CEP112: variants seen among roughly 807,000 people sequenced by gnomAD.
CEP112 encodes the protein centrosomal protein 112, also known as centrosomal protein of 112 kDa.
Under a neutral mutation model 153.0 loss-of-function variants are expected in CEP112, and 127 were observed. That is an observed-to-expected ratio of 0.83 (90% CI 0.72 to 0.96). The LOEUF is 0.96. Among genes scored for constraint, CEP112 ranks in the 40% least tolerant of loss-of-function variants. CEP112 has a pLI of 0.00. For synonymous variants in CEP112, 358 were observed against 374.4 expected (o/e 0.96, Z 0.51); for missense variants, 1,089 against 1,101.2 (o/e 0.99, Z 0.16).
intron 21 of CEP112, among the ~76,000 whole-genome samples, chr17:65,778,574 G>A (rs758874253): frequency 1.5e-4 from 23 of 152,012 alleles, no homozygotes; most frequent in Non-Finnish European, 2.6e-4. Context: ...GTAGTTGCTT[G>A]AAAAATACTG....
intron 17 of CEP112, among the ~76,000 whole-genome samples, chr17:65,972,248 G>A (rs1338307445): frequency 2.0e-5 from 3 of 152,082 alleles, no homozygotes; most frequent in Admixed American, 2.0e-4. Context: ...AAAGATATCT[G>A]GGAAATCCCC....
rs375688211 is a variant in CEP112 at position 66,006,550 on chromosome 17, G to A, written c.1657-781C>T. Among the ~76,000 whole-genome samples the A allele has an allele frequency of 1.1e-4, 16 of 151,792 alleles. No homozygotes were observed. The East Asian group carries it at 3.1e-3, about 29-fold the overall frequency. On this transcript the variant is annotated intron_variant, in intron 16 of 26. Coordinates refer to ENST00000535342, the MANE Select transcript of CEP112 (RefSeq NM_001199165.4). Reference sequence around the variant, plus strand: ...GAACCCAGGAGGTGGAGGTTGCAGTGAGCCAAGATCGCACCCCTGCACTCC... The same window carrying A: ...GAACCCAGGAGGTGGAGGTTGCAGTAAGCCAAGATCGCACCCCTGCACTCC...
intron 24 of CEP112, among the ~76,000 whole-genome samples, chr17:65,647,468 C>G (rs1192793586): frequency 7.3e-6 from 1 of 136,064 alleles, no homozygotes; most frequent in Non-Finnish European, 1.5e-5. Context: ...CCACTGTGCC[C>G]GGCCTTTTTT....
At chr17:66,184,161 G>A (rs2072833247) in intron 1 of CEP112, among the ~76,000 whole-genome samples, 1 of 152,174 alleles carries the variant, frequency 6.6e-6, no homozygotes, top group African/African-American at 2.4e-5. Context: ...GGATGCTGAG[G>A]TGGGAGAATT....
chr17:66,042,939 A>C (rs542696386), intron 12 of CEP112, among the ~76,000 whole-genome samples: 2 of 152,174 alleles, frequency 1.3e-5, no homozygotes, highest in Non-Finnish European at 2.9e-5. Flanking sequence ...TGAGCTTGGG[A>C]GAAGAAATGG....
chr17:65,711,956 A>G (rs1052475704), intron 23 of CEP112, among the ~76,000 whole-genome samples: 1 of 152,206 alleles, frequency 6.6e-6, no homozygotes, highest in Non-Finnish European at 1.5e-5. Context: ...GGCAAAGTAC[A>G]AGGGTAGAAA....
chr17:65,750,887 T>C (rs2051800163), intron 21 of CEP112, 163 bp from the exon 22 acceptor site: 1 of 506,888 alleles, frequency 2.0e-6, no homozygotes, highest in Non-Finnish European at 3.5e-6. Context: ...CAACTATTCA[T>C]CACTTAAAAA....
intron 24 of CEP112, among the ~76,000 whole-genome samples, chr17:65,682,720 C>G (rs1213160902): frequency 1.3e-5 from 2 of 151,994 alleles, no homozygotes; most frequent in Non-Finnish European, 2.9e-5. Context: ...GATATCACAC[C>G]TTCTGGCCAA....
chr17:66,179,455 A>C (rs1424890275), intron 2 of CEP112, among the ~76,000 whole-genome samples: 4 of 152,060 alleles, frequency 2.6e-5, no homozygotes, highest in African/African-American at 9.7e-5. Context: ...TAGCAATTGG[A>C]AATGAGATTA....
rs200079739 is a variant in CEP112, at chr17:65,902,252, C to T, written c.2063G>A (p.Arg688Gln). Residue 688 changes from arginine to glutamine, a missense_variant, in exon 20 of 27, where the codon CGA becomes CAA. Physicochemically the swap from Arg to Gln is conservative, Grantham distance 43. Transcript: ENST00000535342. ...QHNAEKDSLV[R>Q]DHEREIENLE... ...GTTTTCAATTTCCCGTTCATGGTCTCGGACTAGGCTATCCTTCTCTGCGTT... is the reference window on the plus strand; with the variant it reads ...GTTTTCAATTTCCCGTTCATGGTCTTGGACTAGGCTATCCTTCTCTGCGTT... 49 of 1,613,952 alleles carry T rather than the reference C, an allele frequency of 3.0e-5. No individual in the cohort carries two copies. Among genetic ancestry groups the T allele is most frequent in the East Asian group, 2.2e-5 (1 of 44,860 alleles).
intron 16 of CEP112, among the ~76,000 whole-genome samples, chr17:66,006,861 A>G (rs1207643193): frequency 1.3e-5 from 2 of 152,204 alleles, no homozygotes; most frequent in Non-Finnish European, 2.9e-5. Flanking sequence ...TAAGCAAGGT[A>G]AGGCTGAAAG....
At chr17:66,073,392 T>C (rs1183117510) in intron 8 of CEP112, among the ~76,000 whole-genome samples, 3 of 152,164 alleles carry the variant, frequency 2.0e-5, no homozygotes, top group African/African-American at 7.2e-5. Flanking sequence ...GAATCTTAAA[T>C]GCAGGGTACT....
chr17:66,168,400 T>C (rs2072074649), intron 4 of CEP112, among the ~76,000 whole-genome samples: 1 of 137,724 alleles, frequency 7.3e-6, no homozygotes, highest in Non-Finnish European at 1.7e-5. Flanking sequence ...TGTGTATATA[T>C]ATGTGTATAT....
intron 16 of CEP112, among the ~76,000 whole-genome samples, chr17:66,024,571 T>A (rs1017737856): frequency 2.6e-5 from 4 of 151,254 alleles, no homozygotes; most frequent in South Asian, 2.1e-4. Flanking sequence ...ACAATAGTTA[T>A]AAAAAAAACC....
At position 66,046,868 on chromosome 17, in the gene CEP112, G is replaced by A. The variant is rs1037299455; in HGVS notation, c.1218+6868C>T. Among the ~76,000 whole-genome samples, 9 of 152,066 alleles carry A rather than the reference G, an allele frequency of 5.9e-5. 1 individual carries two copies. The East Asian group carries it at 9.7e-4, about 16-fold the overall frequency. ...AGCCAGAAAATGGCGAGGACCACCC[G>A]CAGCCACCAGAAGCTCCACAGAGAC... On this transcript the variant is annotated intron_variant, in intron 12 of 26. Coordinates refer to ENST00000535342, the MANE Select transcript of CEP112 (RefSeq NM_001199165.4).
At chr17:65,740,046 A>G (rs1008255775) in intron 23 of CEP112, among the ~76,000 whole-genome samples, 11 of 152,230 alleles carry the variant, frequency 7.2e-5, no homozygotes, top group Non-Finnish European at 1.6e-4. Context: ...TAAAATTTTG[A>G]TATAACTGTA....
intron 4 of CEP112, among the ~76,000 whole-genome samples, chr17:66,150,906 ATGC>A (rs2071180613): frequency 1.3e-5 from 2 of 152,160 alleles, no homozygotes. Flanking sequence ...TCATTACATC[ATGC>A]TTATGAATAG....
chr17:66,039,573 T>G (rs748934213), intron 12 of CEP112, among the ~76,000 whole-genome samples: 103 of 152,186 alleles, frequency 6.8e-4, no homozygotes, highest in Non-Finnish European at 1.1e-3. Context: ...AGATAGAGTT[T>G]ATGATTTATA....
At chr17:65,797,314 A>T (rs2054994636) in intron 21 of CEP112, 1 of 152,222 alleles carries the variant, frequency 6.6e-6, no homozygotes, top group Non-Finnish European at 1.5e-5. Context: ...TGAGATGTCC[A>T]CTGATTACAA....
Sources: gnomAD v4.1 joint callset for allele counts (sites outside exome capture counted in the v4.1 genomes callset) on GRCh38, gnomAD v4.1.1 for gene constraint, MANE v1.5 for transcripts, NCBI Gene and HGNC (gene_info 2026-07-23, HGNC 2026-07-21) for gene names.